GRIA4: variants seen among roughly 807,000 people sequenced by gnomAD.
The protein encoded by GRIA4 is glutamate ionotropic receptor AMPA type subunit 4.
A neutral mutation model predicts 104.0 loss-of-function variants in GRIA4; 34 were observed. The observed-to-expected ratio is 0.33, with a 90% CI of 0.25 to 0.44. The LOEUF is 0.44. Ranked by LOEUF, GRIA4 falls within the 20% of genes least tolerant of loss-of-function variation. The probability of loss-of-function intolerance (pLI) is 1.00; values close to 1 mark genes in which losing one functional copy is unlikely to be tolerated. For missense variants in GRIA4, 750 were observed against 1,096.5 expected, an observed-to-expected ratio of 0.68 and a Z score of 4.46; for synonymous variants, 386 against 381.9, an observed-to-expected ratio of 1.01 and a Z score of -0.13.
At chr11:105,960,252 C>G (rs1948703412) in intron 14 of GRIA4, among the ~76,000 whole-genome samples, 1 of 152,226 alleles carries the variant, frequency 6.6e-6, no homozygotes, top group Non-Finnish European at 1.5e-5. Flanking sequence ...CTGCAGCCAC[C>G]CCTGCCTCTA....
chr11:105,834,075 AAC>A (rs1160951890), intron 4 of GRIA4, among the ~76,000 whole-genome samples: 2 of 152,060 alleles, frequency 1.3e-5, no homozygotes, highest in Non-Finnish European at 2.9e-5. Context: ...TGACTTTAGA[AAC>A]ACACAAAATT....
intron 3 of GRIA4, among the ~76,000 whole-genome samples, chr11:105,671,985 C>T (rs185256650): frequency 2.0e-4 from 30 of 152,170 alleles, no homozygotes; most frequent in African/African-American, 7.0e-4. Context: ...TCAGGGAATT[C>T]TGCTGTGGTG....
chr11:105,835,438 G>A (rs1219219543), intron 4 of GRIA4, among the ~76,000 whole-genome samples: 1 of 151,898 alleles, frequency 6.6e-6, no homozygotes, highest in Non-Finnish European at 1.5e-5. Flanking sequence ...TTCTTTCTTA[G>A]CCTATATTAT....
rs111542007 is a variant in GRIA4, at chr11:105,758,626, A to G, written c.487+5406A>G. ...AAAGAATTTTCCCTTTTACTACAAA[A>G]ATGAAACAAATGTATACAAATGATA... On this transcript the variant is annotated intron_variant, in intron 4 of 16. Transcript: ENST00000282499. Among the ~76,000 whole-genome samples the G allele has an allele frequency of 1.0e-2, 1,518 of 152,288 alleles. 31 individuals are homozygous for G. The highest frequency in any genetic ancestry group is 0.035 in the African/African-American group (1,457 of 41,576).
intron 11 of GRIA4, among the ~76,000 whole-genome samples, chr11:105,922,553 C>T (rs1051331697): frequency 2.0e-5 from 3 of 152,090 alleles, no homozygotes; most frequent in Non-Finnish European, 2.9e-5. Context: ...ATCCCTCAAA[C>T]TTAATAAATG....
intron 3 of GRIA4, among the ~76,000 whole-genome samples, chr11:105,682,118 C>T (rs1797667124): frequency 2.0e-5 from 3 of 152,116 alleles, no homozygotes; most frequent in Admixed American, 6.5e-5. Flanking sequence ...TGAAATTTCA[C>T]ATGTGGTTCA....
At chr11:105,819,771 C>T (rs1466830501) in intron 4 of GRIA4, among the ~76,000 whole-genome samples, 1 of 152,080 alleles carries the variant, frequency 6.6e-6, no homozygotes, top group Non-Finnish European at 1.5e-5. Context: ...CTCTGATATG[C>T]ATTGAACTGT....
intron 5 of GRIA4, among the ~76,000 whole-genome samples, chr11:105,865,390 G>T (rs998007791): frequency 2.0e-5 from 3 of 152,124 alleles, no homozygotes; most frequent in Non-Finnish European, 4.4e-5. Flanking sequence ...GCCTTGAAAA[G>T]AAATCTAAAA....
At chr11:105,650,362 AG>A (rs35005699) in intron 3 of GRIA4, among the ~76,000 whole-genome samples, 79,274 of 151,822 alleles carry the variant, frequency 0.52, 20,927 homozygotes, top group Admixed American at 0.61. Flanking sequence ...ATTTCCATGC[AG>A]TGGGAATTCC....
chr11:105,731,620 C>T lies in GRIA4; in HGVS notation c.248-21361C>T, dbSNP rs181788652. On this transcript the variant is annotated intron_variant, in intron 3 of 16. Coordinates refer to ENST00000282499, the MANE Select transcript of GRIA4 (RefSeq NM_000829.4). ...TATTCACAATAGCAAAGACTTGGAA[C>T]AAACCCAAATGCTCATCATTGTTAG... 8.7e-4 allele frequency among the ~76,000 whole-genome samples: 133 copies of T among 152,238 alleles called. 3 individuals are homozygous for T. The East Asian group carries it at 0.025, about 28-fold the overall frequency.
intron 3 of GRIA4, 115 bp from the exon 4 acceptor site, chr11:105,752,866 T>TGACAGATC (rs1940085346): frequency 3.2e-6 from 3 of 936,678 alleles, no homozygotes; most frequent in South Asian, 1.5e-5. Context: ...CTTATACTCC[T>TGACAGATC]GACAGATCCA....
chr11:105,798,621 G>A (rs1181929688), intron 4 of GRIA4, among the ~76,000 whole-genome samples: 1 of 152,142 alleles, frequency 6.6e-6, no homozygotes, highest in Non-Finnish European at 1.5e-5. Context: ...AGGCCGATTA[G>A]GAGACTGTGG....
intron 4 of GRIA4, among the ~76,000 whole-genome samples, chr11:105,790,600 A>G (rs1715323748): frequency 6.6e-6 from 1 of 152,206 alleles, no homozygotes; most frequent in South Asian, 2.1e-4. Flanking sequence ...TTGTGCACCC[A>G]TTCTTCCATT....
At chr11:105,859,689 T>C (rs1945148183) in intron 4 of GRIA4, among the ~76,000 whole-genome samples, 1 of 152,102 alleles carries the variant, frequency 6.6e-6, no homozygotes, top group Non-Finnish European at 1.5e-5. Flanking sequence ...ACTATTTCTA[T>C]GTGTGGGGGC....
At position 105,942,515 on chromosome 11, in the gene GRIA4, G is replaced by A. The variant is rs150573401; in HGVS notation, c.2294+8546G>A. ...GTATGTTAAACCCTCTTATGATGTC[G>A]TTTTATTATAGAGGAAGGAACTGTA... On this transcript the variant is annotated intron_variant, in intron 14 of 16. Transcript: ENST00000282499. 4.7e-3 allele frequency among the ~76,000 whole-genome samples: 707 copies of A among 151,968 alleles called. 3 individuals carry two copies. Among genetic ancestry groups the A allele is most frequent in the Middle Eastern group, 0.01 (3 of 294 alleles).
chr11:105,697,685 G>A (rs11226828), intron 3 of GRIA4, among the ~76,000 whole-genome samples: 69,388 of 151,950 alleles, frequency 0.46, 15,979 homozygotes, highest in East Asian at 0.57. Context: ...GATTTATTTC[G>A]TTCCACTGTG....
intron 4 of GRIA4, among the ~76,000 whole-genome samples, chr11:105,793,299 G>A (rs1039563309): frequency 6.6e-6 from 1 of 152,008 alleles, no homozygotes; most frequent in Non-Finnish European, 1.5e-5. Flanking sequence ...TGTGGACAGC[G>A]ACAGGGATAC....
chr11:105,795,508 T>G (rs549433138), intron 4 of GRIA4, among the ~76,000 whole-genome samples: 1 of 152,192 alleles, frequency 6.6e-6, no homozygotes, highest in East Asian at 1.9e-4. Flanking sequence ...GACGTTTGGG[T>G]GCAGGAGATG....
chr11:105,896,492 C>A (rs1946656608), intron 6 of GRIA4, among the ~76,000 whole-genome samples: 1 of 152,008 alleles, frequency 6.6e-6, no homozygotes, highest in Non-Finnish European at 1.5e-5. Context: ...GTTATAAATT[C>A]TTTGTCTAGG....
Sources: gnomAD v4.1 joint callset for allele counts (sites outside exome capture counted in the v4.1 genomes callset) on GRCh38, gnomAD v4.1.1 for gene constraint, MANE v1.5 for transcripts, NCBI Gene and HGNC (gene_info 2026-07-23, HGNC 2026-07-21) for gene names.